SH3RF1: variants seen among roughly 807,000 people sequenced by gnomAD.
SH3RF1 encodes SH3 domain containing ring finger 1, also known as E3 ubiquitin-protein ligase SH3RF1.
In SH3RF1, 32 loss-of-function variants were observed where a neutral mutation model predicts 74.0. The ratio of observed to expected loss-of-function variants is 0.43; its 90% CI spans 0.33 to 0.58. The LOEUF is 0.58. Among genes scored for constraint, SH3RF1 ranks in the 20% least tolerant of loss-of-function variants. SH3RF1 has a pLI of 0.05. For synonymous variants in SH3RF1, 396 were observed against 439.6 expected, an observed-to-expected ratio of 0.90 and a Z score of 1.24; for missense variants, 954 against 1,130.9, an observed-to-expected ratio of 0.84 and a Z score of 2.24.
chr4:169,138,345 C>T (rs1264792113), intron 4 of SH3RF1, among the ~76,000 whole-genome samples: 1 of 152,170 alleles, frequency 6.6e-6, no homozygotes, highest in African/African-American at 2.4e-5. Flanking sequence ...GGAAACAAAG[C>T]AGATTGAAAA....
chr4:169,218,306 TAGAATATAGAATATAGAATAC>T (rs1730499478), intron 2 of SH3RF1, among the ~76,000 whole-genome samples: 1 of 96,834 alleles, frequency 1.0e-5, no homozygotes, highest in Non-Finnish European at 2.3e-5. Context: ...AATATAAATA[TAGAATATAGAATATAGAATAC>T]AGATTATAGA....
intron 5 of SH3RF1, among the ~76,000 whole-genome samples, chr4:169,132,158 A>G (rs1403477123): frequency 1.3e-5 from 2 of 152,216 alleles, no homozygotes; most frequent in Non-Finnish European, 2.9e-5. Flanking sequence ...GACACCCTCC[A>G]CTGGTAACAG....
chr4:169,147,896 T>C (rs191155962), intron 4 of SH3RF1, among the ~76,000 whole-genome samples: 204 of 152,226 alleles, frequency 1.3e-3, no homozygotes, highest in Non-Finnish European at 2.3e-3. Context: ...ATTCTGCTTA[T>C]TAAAGCTTTA....
chr4:169,154,969 T>G (rs1262547811), intron 4 of SH3RF1, among the ~76,000 whole-genome samples: 1 of 152,154 alleles, frequency 6.6e-6, no homozygotes, highest in Non-Finnish European at 1.5e-5. Flanking sequence ...AAAGCTGATT[T>G]AAAAAGGGAA....
chr4:169,169,628 TC>T (rs1734294202), intron 2 of SH3RF1, among the ~76,000 whole-genome samples: 1 of 151,872 alleles, frequency 6.6e-6, no homozygotes, highest in Non-Finnish European at 1.5e-5. Flanking sequence ...AAATAAAAAC[TC>T]AGACATCCAT....
chr4:169,102,665 T>A (rs1043176546), intron 11 of SH3RF1, among the ~76,000 whole-genome samples: 6 of 152,144 alleles, frequency 3.9e-5, no homozygotes, highest in Non-Finnish European at 2.9e-5. Context: ...ATATATTTGT[T>A]CTATTGTTTC....
intron 2 of SH3RF1, among the ~76,000 whole-genome samples, chr4:169,158,981 C>G (rs139165329): frequency 4.6e-5 from 7 of 152,122 alleles, no homozygotes; most frequent in Non-Finnish European, 8.8e-5. Context: ...TTAGAACTTC[C>G]CTGAGAGGCC....
chr4:169,130,304 C>G, intron 5 of SH3RF1, 148 bp from the exon 6 acceptor site: 1 of 603,448 alleles, frequency 1.7e-6, no homozygotes, highest in East Asian at 3.2e-5. Flanking sequence ...TTAGTCTGCT[C>G]AACCCAAATT....
rs2706742 is a variant in SH3RF1, at chr4:169,102,395, A to T, written c.2498+4452T>A. 1.0e-3 allele frequency among the ~76,000 whole-genome samples: 155 copies of T among 149,586 alleles called. No individual in the cohort carries two copies. In the South Asian group the frequency reaches 0.011, roughly 11 times the overall value. On this transcript the variant is annotated intron_variant, in intron 11 of 11. Coordinates refer to ENST00000284637, the MANE Select transcript of SH3RF1 (RefSeq NM_020870.4). ...ATCCCTGATCAAAGATCATACATAG[A>T]TTTTTTTTTTTCCCCCAATTTAGGA... is the stretch of plus-strand genomic sequence containing the variant.
In SH3RF1 at chr4:169,095,572, C is replaced by G. The variant is rs967864363; in HGVS notation, c.*947G>C. On this transcript the variant is annotated 3_prime_UTR_variant, in exon 12 of 12. Transcript: ENST00000284637. Reference sequence around the variant, plus strand: ...CGAGTGCATCACTTACCACCACTATCTCACAAATGTTTTACTTGTGTCCTG... The same window carrying G: ...CGAGTGCATCACTTACCACCACTATGTCACAAATGTTTTACTTGTGTCCTG... 2.6e-5 allele frequency: 4 copies of G among 152,636 alleles called. No homozygotes were observed. Among genetic ancestry groups the G allele is most frequent in the African/African-American group, 7.2e-5 (3 of 41,438 alleles). The allele number at this position is 152,636 out of a possible 1,614,324, so 9.5% of individuals were successfully genotyped here.
chr4:169,242,581 C>T (rs1730930314), intron 2 of SH3RF1, among the ~76,000 whole-genome samples: 1 of 152,168 alleles, frequency 6.6e-6, no homozygotes, highest in African/African-American at 2.4e-5. Flanking sequence ...CAGATACTAT[C>T]ATTTGAATGT....
At position 169,141,943 on chromosome 4, in the gene SH3RF1, G is replaced by C. The variant is rs1278583612; in HGVS notation, c.766-5323C>G. On this transcript the variant is annotated intron_variant, in intron 4 of 11. Coordinates refer to ENST00000284637, the MANE Select transcript of SH3RF1 (RefSeq NM_020870.4). ...TTCTCCGGCCTCAGCCTCCTGAATA[G>C]CTGGGACTACAGGTGCCTGCCACTA... Among the ~76,000 whole-genome samples the C allele has an allele frequency of 5.9e-5, 9 of 151,772 alleles. No individual in the cohort carries two copies. In the East Asian group the frequency reaches 1.7e-3, roughly 29 times the overall value.
intron 4 of SH3RF1, among the ~76,000 whole-genome samples, chr4:169,141,882 G>A (rs551553447): frequency 3.3e-5 from 5 of 149,438 alleles, no homozygotes; most frequent in Non-Finnish European, 5.9e-5. Flanking sequence ...GCGTGATGTC[G>A]GCTCACTGCA....
intron 11 of SH3RF1, among the ~76,000 whole-genome samples, chr4:169,098,501 T>TA (rs1358822060): frequency 1.3e-5 from 2 of 152,050 alleles, no homozygotes; most frequent in Admixed American, 6.6e-5. Flanking sequence ...ACTATTACAC[T>TA]AAAAAAACAC....
At chr4:169,106,171 G>A (rs1355904748) in intron 11 of SH3RF1, among the ~76,000 whole-genome samples, 5 of 151,490 alleles carry the variant, frequency 3.3e-5, no homozygotes, top group Non-Finnish European at 5.9e-5. Flanking sequence ...GGAGTGCAGC[G>A]GCATGATCTC....
rs549662784 is a variant in SH3RF1 at position 169,105,612 on chromosome 4, C to T, written c.2498+1235G>A. Among the ~76,000 whole-genome samples, 13 of 152,252 alleles carry T rather than the reference C, an allele frequency of 8.5e-5. No homozygotes were observed. In the South Asian group the frequency reaches 1.7e-3, roughly 19 times the overall value. On this transcript the variant is annotated intron_variant, in intron 11 of 11. Transcript: ENST00000284637. ...GCTCAGGAAGAAGAAGAGAGTTCTT[C>T]GCTAGACATCGTGGCTCACGCCTGT...
At chr4:169,189,640 T>C (rs1697477453) in intron 2 of SH3RF1, among the ~76,000 whole-genome samples, 2 of 152,158 alleles carry the variant, frequency 1.3e-5, no homozygotes, top group African/African-American at 2.4e-5. Flanking sequence ...TTAGAGAAAG[T>C]TGGGTGCATA....
intron 2 of SH3RF1, among the ~76,000 whole-genome samples, chr4:169,188,693 A>G (rs1734651327): frequency 6.6e-6 from 1 of 152,262 alleles, no homozygotes; most frequent in South Asian, 2.1e-4. Context: ...TTTCTGGCTT[A>G]TGTAACAATT....
chr4:169,177,841 A>AT (rs1428120573), intron 2 of SH3RF1, among the ~76,000 whole-genome samples: 2 of 152,140 alleles, frequency 1.3e-5, no homozygotes, highest in Admixed American at 1.3e-4. Context: ...AACCTTACAT[A>AT]TGTGTATGTA....
Sources: allele counts gnomAD v4.1 joint callset (sites outside exome capture counted in the v4.1 genomes callset), GRCh38; gene constraint gnomAD v4.1.1; transcripts MANE v1.5; gene names NCBI Gene and HGNC (gene_info 2026-07-23, HGNC 2026-07-21).